The following NSUN2 variants were observed in gnomAD, a reference collection of about 807,000 sequenced individuals.
NSUN2 encodes the protein NOP2/Sun RNA methyltransferase 2.
A neutral mutation model predicts 92.7 loss-of-function variants in NSUN2; 63 were observed. That is an observed-to-expected ratio of 0.68 (90% CI 0.56 to 0.84). The LOEUF is 0.84. NSUN2 is among the 40% of genes least tolerant of loss of function. The pLI is 0.00. For missense variants in NSUN2, 989 were observed against 964.9 expected (o/e 1.02, Z -0.33); for synonymous variants, 356 against 348.3 (o/e 1.02, Z -0.25).
chr5:6,628,156 T>C (rs932194086), intron 3 of NSUN2, among the ~76,000 whole-genome samples: 2 of 152,164 alleles, frequency 1.3e-5, no homozygotes, highest in Non-Finnish European at 2.9e-5. Context: ...AAGACTAGCC[T>C]GTCCAACATG....
intron 6 of NSUN2, 117 bp from the exon 7 acceptor site, chr5:6,620,415 C>A (rs1392113804): frequency 1.1e-5 from 8 of 757,144 alleles, no homozygotes; most frequent in Non-Finnish European, 1.6e-5. Flanking sequence ...AACTTAAGAC[C>A]CACAGTCAAG....
At chr5:6,608,768 C>T (rs1736878898) in intron 12 of NSUN2, among the ~76,000 whole-genome samples, 1 of 152,236 alleles carries the variant, frequency 6.6e-6, no homozygotes. Context: ...AGCCACAAGC[C>T]TGTGGTCACT....
chr5:6,625,464 A>C lies in NSUN2; in HGVS notation c.465+100T>G, dbSNP rs1334399065. On this transcript the variant is annotated intron_variant, in intron 4 of 18. Transcript: ENST00000264670. ...GTTGTCTTTACTGTGTGTGATGTCC[A>C]CCTACTGCTTCTAGTGACAAGAACC... 3 of 792,368 alleles carry C rather than the reference A, an allele frequency of 3.8e-6. No homozygotes were observed. The African/African-American group carries it at 5.2e-5, about 14-fold the overall frequency. The allele number at this position is 792,368 out of a possible 1,614,324, so 49.1% of individuals were successfully genotyped here. A position where few individuals can be genotyped will look rare whatever the true frequency, so the allele number is the denominator to read the frequency against.
At chr5:6,612,331 A>G (rs536528964) in intron 9 of NSUN2, among the ~76,000 whole-genome samples, 4 of 152,320 alleles carry the variant, frequency 2.6e-5, no homozygotes, top group Admixed American at 6.5e-5. Context: ...AACATCCCAG[A>G]GCAATGCTGA....
rs1560988578 is a variant in NSUN2, at chr5:6,632,681, C to A, written c.172G>T (p.Val58Leu). 3 of 1,614,164 alleles carry A rather than the reference C, an allele frequency of 1.9e-6. No individual in the cohort carries two copies. Among genetic ancestry groups the A allele is most frequent in the Non-Finnish European group, 2.5e-6 (3 of 1,180,026 alleles). Reference sequence around the variant, plus strand: ...AACTGGCCCCACTCGCCCTCGGGCACGATCTTGAGCTCCTGGTAGTAGTGC... The same window carrying A: ...AACTGGCCCCACTCGCCCTCGGGCAAGATCTTGAGCTCCTGGTAGTAGTGC... ...FEHYYQELKI[V>L]PEGEWGQFMD... The change falls in exon 2 of 19, where the codon GTG becomes TTG. Residue 58 changes from valine to leucine, a missense_variant. Val to Leu is a conservative substitution (Grantham distance 32). Transcript: ENST00000264670.
intron 12 of NSUN2, among the ~76,000 whole-genome samples, chr5:6,609,088 T>C (rs1451353794): frequency 6.6e-6 from 1 of 152,162 alleles, no homozygotes; most frequent in Admixed American, 6.5e-5. Flanking sequence ...TGCGGAACTG[T>C]TTCCTTTTTG....
In NSUN2 at chr5:6,632,813, G is replaced by T. The variant is rs982718231; in HGVS notation, c.97-57C>A. 5 of 1,570,372 alleles carry T rather than the reference G, an allele frequency of 3.2e-6. No individual in the cohort carries two copies. In the Admixed American group the frequency reaches 7.5e-5, roughly 24 times the overall value. ...CCCAAGGAGCCGCCCCCTCGCCGCC[G>T]CCTCGCAGGCCTCGGGGTCCGGGAA... On this transcript the variant is annotated intron_variant, in intron 1 of 18. Coordinates refer to ENST00000264670, the MANE Select transcript of NSUN2 (RefSeq NM_017755.6).
At chr5:6,613,085 T>A (rs1014109548) in intron 9 of NSUN2, among the ~76,000 whole-genome samples, 1 of 152,148 alleles carries the variant, frequency 6.6e-6, no homozygotes, top group African/African-American at 2.4e-5. Context: ...ATGCAAAAAG[T>A]TGGCTGTGAC....
At chr5:6,612,924 C>T (rs1737062180) in intron 9 of NSUN2, among the ~76,000 whole-genome samples, 1 of 152,206 alleles carries the variant, frequency 6.6e-6, no homozygotes, top group Admixed American at 6.5e-5. Flanking sequence ...AGGTGGGGAA[C>T]GCACACCCCC....
intron 18 of NSUN2, among the ~76,000 whole-genome samples, chr5:6,600,949 G>A (rs1359155485): frequency 6.6e-6 from 1 of 151,908 alleles, no homozygotes; most frequent in South Asian, 2.1e-4. Context: ...AGGAGGCATC[G>A]ACGCCCCAGC....
intron 7 of NSUN2, among the ~76,000 whole-genome samples, chr5:6,618,847 T>A (rs1274478666): frequency 6.6e-6 from 1 of 152,246 alleles, no homozygotes; most frequent in Non-Finnish European, 1.5e-5. Context: ...ACGCCTGTTT[T>A]TGTTGGCTTT....
rs1422962279 is a variant in NSUN2 at position 6,620,182 on chromosome 5, G to C, written c.739C>G (p.Pro247Ala). 2 of 1,612,974 alleles carry C rather than the reference G, an allele frequency of 1.2e-6. No individual in the cohort carries two copies. Among genetic ancestry groups the C allele is most frequent in the Non-Finnish European group, 1.7e-6 (2 of 1,179,662 alleles). ...CCGTCCACATCTATCTGGAGCCTGGGTATGCTGGAGGCATCATGGTTGACC... is the reference window on the plus strand; with the variant it reads ...CCGTCCACATCTATCTGGAGCCTGGCTATGCTGGAGGCATCATGGTTGACC... ...MVVNHDASSI[P>A]RLQIDVDGRK... The change falls in exon 7 of 19, where the codon CCC (proline) becomes GCC (alanine). Residue 247 changes from proline to alanine, a missense_variant. Physicochemically the swap from Pro to Ala is conservative, Grantham distance 27 (BLOSUM62 -1). Around this residue, in one of 3 missense-constraint regions of NSUN2, gnomAD observed 356 missense variants for 338.6 expected, o/e 1.05. Coordinates refer to ENST00000264670, the MANE Select transcript of NSUN2 (RefSeq NM_017755.6).
At chr5:6,604,084 C>T (rs1413427756) in intron 17 of NSUN2, 54 bp downstream of exon 17, 13 of 1,536,920 alleles carry the variant, frequency 8.5e-6, no homozygotes, top group East Asian at 2.3e-5. Context: ...TGCATTTTTG[C>T]TGGCCTTATA....
chr5:6,611,244 T>A (rs1736976289), intron 10 of NSUN2, among the ~76,000 whole-genome samples, 159 bp from the exon 11 acceptor site: 1 of 152,140 alleles, frequency 6.6e-6, no homozygotes, highest in Non-Finnish European at 1.5e-5. Context: ...AAACAATCTT[T>A]ACAGAAAATC....
intron 9 of NSUN2, among the ~76,000 whole-genome samples, chr5:6,616,345 C>G (rs148871338): frequency 9.8e-5 from 15 of 152,306 alleles, no homozygotes; most frequent in African/African-American, 3.4e-4. Flanking sequence ...AATTTTGACA[C>G]AGACAACAAC....
In NSUN2 at chr5:6,611,448, T is replaced by TAAAAAAAAAAAAA. The variant is rs760872450; in HGVS notation, c.1095+264_1095+276dup. On this transcript the variant is annotated intron_variant, in intron 10 of 18. Transcript: ENST00000264670. ...ACAAGGCTTGAATCCCGGCCCAATT[T>TAAAAAAAAAAAAA]AAAAAAAAAAAAAAAAAGCAAAGCT... 6.2e-4 allele frequency among the ~76,000 whole-genome samples: 53 copies of TAAAAAAAAAAAAA among 86,038 alleles called. 2 individuals carry two copies. Among genetic ancestry groups the TAAAAAAAAAAAAA allele is most frequent in the African/African-American group, 1.6e-3 (36 of 22,426 alleles). 56.4% of individuals were successfully genotyped at this position (86,038 alleles called of 152,430 possible).
At chr5:6,613,889 G>C (rs573232843) in intron 9 of NSUN2, among the ~76,000 whole-genome samples, 1 of 152,162 alleles carries the variant, frequency 6.6e-6, no homozygotes, top group South Asian at 2.1e-4. Flanking sequence ...CTGAAGTCAG[G>C]AGTTTGAGAC....
chr5:6,613,012 T>C (rs1394119326), intron 9 of NSUN2, among the ~76,000 whole-genome samples: 27 of 152,218 alleles, frequency 1.8e-4, no homozygotes, highest in Admixed American at 9.2e-4. Flanking sequence ...GCCATATCCA[T>C]GCACACCGCC....
chr5:6,623,048 A>C (rs1344719298), intron 5 of NSUN2, among the ~76,000 whole-genome samples, 166 bp downstream of exon 5: 6 of 151,000 alleles, frequency 4.0e-5, no homozygotes, highest in African/African-American at 1.5e-4. Flanking sequence ...AAAAAAGAAA[A>C]AAAAAAAAAA....
Sources: gnomAD v4.1 joint callset for allele counts (sites outside exome capture counted in the v4.1 genomes callset) on GRCh38, gnomAD v4.1.1 for gene constraint, gnomAD v4.1.1 regional missense constraint, MANE v1.5 for transcripts, NCBI Gene and HGNC (gene_info 2026-07-23, HGNC 2026-07-21) for gene names.